Variants in RILPL1 observed in about 807,000 individuals in gnomAD.
RILPL1 encodes RILP-like protein 1.
RILPL1 carries 33 observed loss-of-function variants against 50.3 expected under a neutral mutation model. That is an observed-to-expected ratio of 0.66 (90% CI 0.50 to 0.88). The LOEUF (loss-of-function observed/expected upper bound fraction) is 0.88, where lower values mean the gene tolerates loss of function less well. Ranked by LOEUF, RILPL1 falls within the 40% of genes least tolerant of loss-of-function variation. RILPL1 has a pLI of 0.00. For missense variants in RILPL1, 418 were observed against 542.5 expected, an observed-to-expected ratio of 0.77 and a Z score of 2.28; for synonymous variants, 205 against 228.6, an observed-to-expected ratio of 0.90 and a Z score of 0.93.
At chr12:123,499,599 A>C (rs892229068) in intron 2 of RILPL1, 63 bp from the exon 3 acceptor site, 10 of 1,254,536 alleles carry the variant, frequency 8.0e-6, no homozygotes, top group Non-Finnish European at 1.2e-5. Context: ...ATCATCCACC[A>C]CTTCTGCTGA....
intron 2 of RILPL1, among the ~76,000 whole-genome samples, chr12:123,502,553 G>A (rs1883464165): frequency 6.6e-6 from 1 of 151,408 alleles, no homozygotes; most frequent in Admixed American, 6.6e-5. Flanking sequence ...CCGCAGGCGG[G>A]TGAGGCCCAC....
At chr12:123,512,076 TGTGTGTGTG>T (rs1214958852) in intron 2 of RILPL1, among the ~76,000 whole-genome samples, 3 of 95,016 alleles carry the variant, frequency 3.2e-5, no homozygotes, top group Admixed American at 2.9e-4. Context: ...GTGAGGTCTG[TGTGTGTGTG>T]GTGTGTGTGA....
chr12:123,522,896 A>C lies in RILPL1; in HGVS notation c.460+599T>G, dbSNP rs928507322. Among the ~76,000 whole-genome samples the C allele has an allele frequency of 6.6e-6, 1 of 152,128 alleles. No homozygotes were observed. The highest frequency in any genetic ancestry group is 1.5e-5 in the Non-Finnish European group (1 of 68,016). ...GTGTGAGCCACTGCGCGCGGCCTAC[A>C]CCGGCCTTCTTGGTTTCCCCCAAAT... On this transcript the variant is annotated intron_variant, in intron 2 of 6. Transcript: ENST00000376874. The surrounding 1 kb of genome is among the most constrained non-coding windows in gnomAD (Gnocchi z 4.0).
rs117815505 is a variant in RILPL1 at position 123,503,447 on chromosome 12, C to T, written c.461-3911G>A. ...AACTCCTGACCTCAAGCGATCCACT[C>T]GCCTCAGCCTCCCAAAGCAATGGGA... On this transcript the variant is annotated intron_variant, in intron 2 of 6. Coordinates refer to ENST00000376874, the MANE Select transcript of RILPL1 (RefSeq NM_178314.5). Among the ~76,000 whole-genome samples, 232 of 151,752 alleles carry T rather than the reference C, an allele frequency of 1.5e-3. 9 individuals are homozygous for T. In the East Asian group the frequency reaches 0.038, roughly 25 times the overall value.
At position 123,498,690 on chromosome 12, in the gene RILPL1, C is replaced by G; in HGVS notation, c.655G>C (p.Gly219Arg). The G allele has an allele frequency of 6.2e-7, 1 of 1,613,706 alleles. No homozygotes were observed. The highest frequency in any genetic ancestry group is 8.5e-7 in the Non-Finnish European group (1 of 1,179,894). ...ACCTTCTGTTCGATCAGGGCTTTCC[C>G]CTGGGCCTCCACCACCGTGACCCGG... is the stretch of plus-strand genomic sequence containing the variant. ...RHRVTVVEAQ[G>R]KALIEQKVEL... The change falls in exon 4 of 7, where the codon GGG becomes CGG. Residue 219 changes from glycine (G) to arginine (R), a missense_variant. Transcript: ENST00000376874. The surrounding 1 kb of genome is among the most constrained non-coding windows in gnomAD (Gnocchi z 4.3).
At chr12:123,492,374 C>G (rs901982755) in intron 4 of RILPL1, among the ~76,000 whole-genome samples, 1 of 152,070 alleles carries the variant, frequency 6.6e-6, no homozygotes, top group Non-Finnish European at 1.5e-5. Flanking sequence ...TGCCATGTCC[C>G]GAACAGGTAA....
chr12:123,518,155 G>C (rs1884812816), intron 2 of RILPL1, among the ~76,000 whole-genome samples: 1 of 152,076 alleles, frequency 6.6e-6, no homozygotes, highest in Non-Finnish European at 1.5e-5. Context: ...GATGGTGGTG[G>C]CGGCTGCACA....
rs145047534 is a variant in RILPL1 at position 123,477,969 on chromosome 12, G to C, written c.1068-5287C>G. 7.1e-5 allele frequency among the ~76,000 whole-genome samples: 10 copies of C among 141,726 alleles called. No homozygotes were observed. The East Asian group carries it at 2.2e-3, about 31-fold the overall frequency. 93.0% of individuals were successfully genotyped at this position (141,726 alleles called of 152,430 possible). A position where few individuals can be genotyped will look rare whatever the true frequency, so the allele number is the denominator to read the frequency against. ...GGGACACCTGGAGTGTTCTGACTGAGTTACTCCATCTGTATGTCTTTTTTT... is the reference window on the plus strand; with the variant it reads ...GGGACACCTGGAGTGTTCTGACTGACTTACTCCATCTGTATGTCTTTTTTT... On this transcript the variant is annotated intron_variant, in intron 6 of 6. Coordinates refer to ENST00000376874, the MANE Select transcript of RILPL1 (RefSeq NM_178314.5).
intron 2 of RILPL1, among the ~76,000 whole-genome samples, chr12:123,503,994 C>T (rs1883572302): frequency 8.2e-6 from 1 of 121,450 alleles, no homozygotes. Flanking sequence ...GAGCGAGACT[C>T]TATCTCAAAA....
intron 2 of RILPL1, among the ~76,000 whole-genome samples, chr12:123,520,442 G>A (rs552410398): frequency 5.3e-5 from 8 of 152,224 alleles, no homozygotes; most frequent in Admixed American, 2.6e-4. Context: ...ACCTGTAGTC[G>A]TAGCTACTTG....
chr12:123,509,920 G>A (rs1455441646), intron 2 of RILPL1, among the ~76,000 whole-genome samples: 1 of 152,182 alleles, frequency 6.6e-6, no homozygotes, highest in African/African-American at 2.4e-5. Context: ...ATTCATCTCC[G>A]CCTGCTGATG....
chr12:123,495,375 A>ATTT lies in RILPL1; in HGVS notation c.801+3166_801+3168dup, dbSNP rs34446983. Among the ~76,000 whole-genome samples, 5 of 137,178 alleles carry ATTT rather than the reference A, an allele frequency of 3.6e-5. 1 individual carries two copies. Among genetic ancestry groups the ATTT allele is most frequent in the African/African-American group, 1.4e-4 (5 of 36,556 alleles). 90.0% of individuals were successfully genotyped at this position (137,178 alleles called of 152,430 possible). ...TAAATTCGTTTTTTCCCTCTTAAAC[A>ATTT]TTTTTTTTTTTTTTTTTGAGACAGA... On this transcript the variant is annotated intron_variant, in intron 4 of 6. Transcript: ENST00000376874.
At chr12:123,475,814 A>C in intron 6 of RILPL1, 6 of 963,210 alleles carry the variant, frequency 6.2e-6, no homozygotes, top group African/African-American at 1.6e-5. Context: ...AAAGAAACAA[A>C]CTCCACAGAC....
rs1403204859 is a variant in RILPL1 at position 123,518,369 on chromosome 12, T to C, written c.460+5126A>G. 2.4e-5 allele frequency: 10 copies of C among 423,250 alleles called. No individual in the cohort carries two copies. In the Admixed American group the frequency reaches 2.6e-4, roughly 11 times the overall value. 26.2% of individuals were successfully genotyped at this position (423,250 alleles called of 1,614,324 possible). ...AAAAAATTTAAAACTTAGCCAGGCGTGGTGGTGCACACCTGTCATCCCAGC... is the reference window on the plus strand; with the variant it reads ...AAAAAATTTAAAACTTAGCCAGGCGCGGTGGTGCACACCTGTCATCCCAGC... On this transcript the variant is annotated intron_variant, in intron 2 of 6. Transcript: ENST00000376874.
chr12:123,470,786 AAAAG>A lies in RILPL1; in HGVS notation c.*1748_*1751del, dbSNP rs1206723626. 4 of 152,130 alleles carry A rather than the reference AAAAG, an allele frequency of 2.6e-5. No homozygotes were observed. The highest frequency in any genetic ancestry group is 2.1e-4 in the South Asian group (1 of 4,828). 9.4% of individuals were successfully genotyped at this position (152,130 alleles called of 1,614,324 possible). On this transcript the variant is annotated 3_prime_UTR_variant, in exon 7 of 7. Coordinates refer to ENST00000376874, the MANE Select transcript of RILPL1 (RefSeq NM_178314.5). Reference sequence around the variant, plus strand: ...GCAATAGAGCAAGACTATCTCAAAAAAAAGAGAGACATTTAGTGTTTAGGAAAGA... The same window carrying A: ...GCAATAGAGCAAGACTATCTCAAAAAAGAGACATTTAGTGTTTAGGAAAGA...
chr12:123,526,476 T>C (rs762835918), intron 1 of RILPL1, among the ~76,000 whole-genome samples: 10 of 152,152 alleles, frequency 6.6e-5, no homozygotes, highest in Non-Finnish European at 1.5e-4. Flanking sequence ...ACTAGTGTGG[T>C]ATCTGCCGGG....
At chr12:123,519,314 G>A (rs1884893417) in intron 2 of RILPL1, 1 of 152,096 alleles carries the variant, frequency 6.6e-6, no homozygotes, top group Non-Finnish European at 1.5e-5. Flanking sequence ...TTGCATACCT[G>A]TCATTCATTT....
At chr12:123,486,056 C>T (rs1167693065) in intron 4 of RILPL1, among the ~76,000 whole-genome samples, 2 of 152,172 alleles carry the variant, frequency 1.3e-5, no homozygotes, top group East Asian at 1.9e-4. Context: ...CCTCCCCACC[C>T]GACTTGGGGT....
intron 6 of RILPL1, chr12:123,475,422 C>T (rs1245284094): frequency 3.7e-6 from 2 of 537,748 alleles, no homozygotes; most frequent in African/African-American, 1.9e-5. Context: ...AAAACAGAAA[C>T]AGAAGAGACA....
Sources: gnomAD v4.1 joint callset for allele counts (sites outside exome capture counted in the v4.1 genomes callset) on GRCh38, gnomAD v4.1.1 for gene constraint, Gnocchi (gnomAD v3.1) non-coding constraint, MANE v1.5 for transcripts, NCBI Gene and HGNC (gene_info 2026-07-23, HGNC 2026-07-21) for gene names.